ARHGAP39: variants seen among roughly 807,000 people sequenced by gnomAD.
ARHGAP39 encodes rho GTPase-activating protein 39.
Under a neutral mutation model 106.9 loss-of-function variants are expected in ARHGAP39, and 44 were observed. That is an observed-to-expected ratio of 0.41 (90% CI 0.32 to 0.53). ARHGAP39 has a LOEUF of 0.53. Ranked by LOEUF, ARHGAP39 falls within the 20% of genes least tolerant of loss-of-function variation. The pLI, the probability that ARHGAP39 is intolerant of heterozygous loss-of-function variation, is 0.21. For missense variants in ARHGAP39, 1,496 were observed against 1,577.3 expected (o/e 0.95, Z 0.87); for synonymous variants, 768 against 693.2 (o/e 1.11, Z -1.69).
At chr8:144,656,210 AG>A in intron 1 of ARHGAP39, among the ~76,000 whole-genome samples, 1 of 149,640 alleles carries the variant, frequency 6.7e-6, no homozygotes, top group Middle Eastern at 3.4e-3. Context: ...AAAAAAAAAA[AG>A]GCCAGGTGTA....
chr8:144,541,815 G>A (rs572661755), intron 6 of ARHGAP39, among the ~76,000 whole-genome samples: 224 of 152,270 alleles, frequency 1.5e-3, no homozygotes, highest in Middle Eastern at 3.4e-3. Flanking sequence ...TGCTGTGAAC[G>A]AGGTGTACAA....
At chr8:144,678,970 G>C (rs1045296637) in intron 1 of ARHGAP39, among the ~76,000 whole-genome samples, 9 of 152,042 alleles carry the variant, frequency 5.9e-5, no homozygotes, top group Admixed American at 4.6e-4. Context: ...TCACTGTTCA[G>C]GGGGAACTGG....
intron 1 of ARHGAP39, among the ~76,000 whole-genome samples, chr8:144,682,757 T>G (rs193225114): frequency 9.9e-5 from 15 of 152,144 alleles, no homozygotes; most frequent in African/African-American, 3.6e-4. Context: ...ATGCCTGTAA[T>G]CCCAATACTT....
At chr8:144,551,630 T>C (rs546176335) in intron 4 of ARHGAP39, among the ~76,000 whole-genome samples, 1 of 142,038 alleles carries the variant, frequency 7.0e-6, no homozygotes, top group African/African-American at 2.5e-5. Flanking sequence ...CCTTCCGCCA[T>C]GTAGGCAGCT....
At chr8:144,624,048 G>C (rs139105278) in intron 1 of ARHGAP39, among the ~76,000 whole-genome samples, 1 of 152,304 alleles carries the variant, frequency 6.6e-6, no homozygotes, top group Non-Finnish European at 1.5e-5. Context: ...CTGCAAACAA[G>C]CAGGACCCTC....
chr8:144,697,219 C>T, the ARHGAP39 span, among the ~76,000 whole-genome samples: 4 of 149,872 alleles, frequency 2.7e-5, no homozygotes, highest in African/African-American at 7.4e-5. Flanking sequence ...TCCAGCTACT[C>T]GGGAGGCTGA....
Position 144,646,270 on chromosome 8 carries a change from G to A in ARHGAP39, c.-82+39416C>T, listed in dbSNP as rs1821441981. ...GCACGTATGGACCAGGCCAACAGGG[G>A]GCCCCAAACAGGAGTGAGAACAAGG... On this transcript the variant is annotated intron_variant, in intron 1 of 11. Coordinates refer to ENST00000377307, the MANE Select transcript of ARHGAP39 (RefSeq NM_025251.3). This position sits in a 1 kb window ranked among gnomAD's most constrained non-coding sequence, Gnocchi z 5.7. Among the ~76,000 whole-genome samples, 1 of 152,176 alleles carries A rather than the reference G, an allele frequency of 6.6e-6. No homozygotes were observed.
At chr8:144,533,566 C>T (rs1171461683) in intron 8 of ARHGAP39, among the ~76,000 whole-genome samples, 1 of 152,204 alleles carries the variant, frequency 6.6e-6, no homozygotes, top group African/African-American at 2.4e-5. Flanking sequence ...CTCCTCTCAT[C>T]CCTGTGAACT....
chr8:144,583,617 T>A (rs1819081493), intron 2 of ARHGAP39, among the ~76,000 whole-genome samples: 1 of 152,244 alleles, frequency 6.6e-6, no homozygotes, highest in Non-Finnish European at 1.5e-5. Context: ...CCTGCCTGCG[T>A]GCTCCACTGA....
At chr8:144,619,504 G>A (rs1820730247) in intron 1 of ARHGAP39, among the ~76,000 whole-genome samples, 1 of 152,102 alleles carries the variant, frequency 6.6e-6, no homozygotes, top group Non-Finnish European at 1.5e-5. Context: ...GTGAGCCTCT[G>A]TGTCCCTGAG....
intron 9 of ARHGAP39, 91 bp from the exon 10 acceptor site, chr8:144,532,487 G>T: frequency 8.2e-7 from 1 of 1,215,880 alleles, no homozygotes; most frequent in South Asian, 1.3e-5. Flanking sequence ...GGCCCCTGCT[G>T]ACCCGGGGAG....
the ARHGAP39 span, among the ~76,000 whole-genome samples, chr8:144,691,581 A>G: frequency 6.6e-6 from 1 of 152,104 alleles, no homozygotes; most frequent in Admixed American, 6.5e-5. Flanking sequence ...CCAGTTCCTC[A>G]TAGGCTGAGT....
rs1464775222 is a variant in ARHGAP39 at position 144,556,631 on chromosome 8, C to CA, written c.513-989dup. 6.2e-5 allele frequency among the ~76,000 whole-genome samples: 9 copies of CA among 146,040 alleles called. No individual in the cohort carries two copies. The South Asian group carries it at 6.6e-4, about 11-fold the overall frequency. On this transcript the variant is annotated intron_variant, in intron 3 of 11. Coordinates refer to ENST00000377307, the MANE Select transcript of ARHGAP39 (RefSeq NM_025251.3). ...GCTGAACCTTCATAGTATTCAGAGG[C>CA]AAAGCCTGAACCTTCATAGTATTCA...
chr8:144,570,535 G>C (rs1466277992), intron 3 of ARHGAP39, among the ~76,000 whole-genome samples: 1 of 152,180 alleles, frequency 6.6e-6, no homozygotes, highest in Non-Finnish European at 1.5e-5. Context: ...ACGACAATAG[G>C]AAAAGTCTAG....
intron 2 of ARHGAP39, among the ~76,000 whole-genome samples, chr8:144,595,750 C>G (rs977480540): frequency 6.6e-6 from 1 of 152,128 alleles, no homozygotes; most frequent in Non-Finnish European, 1.5e-5. Flanking sequence ...CAGCTGGCCC[C>G]GAGCAGACCC....
intron 1 of ARHGAP39, among the ~76,000 whole-genome samples, chr8:144,620,188 CGT>C (rs1160449054): frequency 1.7e-4 from 21 of 125,446 alleles, no homozygotes; most frequent in Admixed American, 1.4e-3. Flanking sequence ...CCTGAGAGAG[CGT>C]GTGTGCCCGT....
intron 1 of ARHGAP39, among the ~76,000 whole-genome samples, chr8:144,635,389 G>T (rs976218737): frequency 6.6e-6 from 1 of 152,152 alleles, no homozygotes; most frequent in African/African-American, 2.4e-5. Flanking sequence ...ACACATGGGG[G>T]GAGGTTTCTG....
At position 144,547,587 on chromosome 8, in the gene ARHGAP39, G is replaced by T; in HGVS notation, c.1499C>A (p.Ser500Tyr). 1 of 1,476,384 alleles carries T rather than the reference G, an allele frequency of 6.8e-7. No homozygotes were observed. 91.5% of individuals were successfully genotyped at this position (1,476,384 alleles called of 1,614,324 possible). ...GTRKRKSRKP[S>Y]LCQATSATPT... ...GGTGGCGCTGGTGGCTTGGCACAAA[G>T]AGGGCTTTCTGCTCTTCCGCTTGCG... is the stretch of plus-strand genomic sequence containing the variant. The change falls in exon 5 of 12, where the codon TCT (serine) becomes TAT (tyrosine). Residue 500 changes from serine (S) to tyrosine (Y), a missense_variant. Around this residue, in one of 4 missense-constraint regions of ARHGAP39, gnomAD observed 905 missense variants for 816.4 expected, o/e 1.11. Transcript: ENST00000377307. This position sits in a 1 kb window ranked among gnomAD's most constrained non-coding sequence, Gnocchi z 5.2.
chr8:144,547,965 G>C lies in ARHGAP39; in HGVS notation c.1121C>G (p.Thr374Ser), dbSNP rs772972354. Residue 374 changes from threonine (T) to serine (S), a missense_variant, in exon 5 of 12, where the codon ACC becomes AGC. Transcript: ENST00000377307. The surrounding 1 kb of genome is among the most constrained non-coding windows in gnomAD (Gnocchi z 5.2). ...GAAGCGCTCGGGACACTTCTGCTTG[G>C]TGAGCACCAGCTGCTGGCAGGGCGA... The part of the protein sequence containing the change: ...PPSPCQQLVL[T>S]KQKCPERFLS... 3 of 1,606,248 alleles carry C rather than the reference G, an allele frequency of 1.9e-6. No individual in the cohort carries two copies. The highest frequency in any genetic ancestry group is 4.5e-5 in the East Asian group (2 of 44,488).
Sources: allele counts gnomAD v4.1 joint callset (sites outside exome capture counted in the v4.1 genomes callset), GRCh38; gene constraint gnomAD v4.1.1; regional missense constraint gnomAD v4.1.1; non-coding constraint Gnocchi (gnomAD v3.1); transcripts MANE v1.5; gene names NCBI Gene and HGNC (gene_info 2026-07-23, HGNC 2026-07-21).